Variants in GREB1L observed in about 807,000 individuals in gnomAD.
GREB1L encodes the protein GREB1-like protein.
In GREB1L, 17 loss-of-function variants were observed where a neutral mutation model predicts 200.8. The observed-to-expected ratio is 0.08, with a 90% CI of 0.06 to 0.13. The LOEUF (loss-of-function observed/expected upper bound fraction) is 0.13, where lower values mean the gene tolerates loss of function less well. Ranked by LOEUF, GREB1L falls within the 10% of genes least tolerant of loss-of-function variation. The pLI is 1.00. For missense variants in GREB1L, 1,657 were observed against 2,367.7 expected (o/e 0.70, Z 6.23); for synonymous variants, 789 against 893.0 (o/e 0.88, Z 2.08).
chr18:21,495,934 C>A, intron 20 of GREB1L, 149 bp downstream of exon 20: 1 of 534,934 alleles, frequency 1.9e-6, no homozygotes, highest in Non-Finnish European at 3.3e-6. Flanking sequence ...TACAGCCATA[C>A]AACCTTCTTT....
chr18:21,372,180 G>A (rs1269737668), intron 2 of GREB1L, among the ~76,000 whole-genome samples: 9 of 145,558 alleles, frequency 6.2e-5, no homozygotes, highest in African/African-American at 2.1e-4. Flanking sequence ...ACAGAGTCTC[G>A]CTCTGTTGCC....
Position 21,276,362 on chromosome 18 carries a change from A to G in GREB1L, c.-120+33969A>G, listed in dbSNP as rs369680527. ...CAGGTTGTTGAGTTTTATTGAAGAA[A>G]TTCACACAACCTGGGAAATGGGTGG... On this transcript the variant is annotated intron_variant, in intron 1 of 32. Coordinates refer to ENST00000424526, the MANE Select transcript of GREB1L (RefSeq NM_001142966.3). Among the ~76,000 whole-genome samples, 8 of 152,206 alleles carry G rather than the reference A, an allele frequency of 5.3e-5. 1 individual carries two copies. Among genetic ancestry groups the G allele is most frequent in the Admixed American group, 5.2e-4 (8 of 15,290 alleles).
intron 17 of GREB1L, among the ~76,000 whole-genome samples, chr18:21,483,361 A>G (rs1320080367): frequency 6.6e-6 from 1 of 152,194 alleles, no homozygotes; most frequent in Non-Finnish European, 1.5e-5. Context: ...ATAAGGAGGG[A>G]AACTTAGATG....
chr18:21,310,817 A>T (rs976947704), intron 1 of GREB1L, among the ~76,000 whole-genome samples: 5 of 152,244 alleles, frequency 3.3e-5, no homozygotes, highest in African/African-American at 1.2e-4. Flanking sequence ...TGTTAAAAAA[A>T]TAGAAAAAAA....
At chr18:21,338,614 T>C (rs1208345029) in intron 1 of GREB1L, among the ~76,000 whole-genome samples, 3 of 152,244 alleles carry the variant, frequency 2.0e-5, no homozygotes, top group Admixed American at 6.5e-5. Context: ...CCACCTCACT[T>C]GTCTGTTGAT....
At chr18:21,392,248 T>C (rs2040853398) in intron 4 of GREB1L, among the ~76,000 whole-genome samples, 2 of 152,238 alleles carry the variant, frequency 1.3e-5, no homozygotes, top group African/African-American at 4.8e-5. Context: ...TGCCTGGCTA[T>C]GGCAAGTGCT....
chr18:21,441,614 T>C lies in GREB1L; in HGVS notation c.1207+77T>C, dbSNP rs1024532439. The C allele has an allele frequency of 3.0e-6, 4 of 1,317,848 alleles. No homozygotes were observed. The African/African-American group carries it at 4.5e-5, about 15-fold the overall frequency. 81.6% of individuals were successfully genotyped at this position (1,317,848 alleles called of 1,614,324 possible). On this transcript the variant is annotated intron_variant, in intron 10 of 32. Coordinates refer to ENST00000424526, the MANE Select transcript of GREB1L (RefSeq NM_001142966.3). ...TTTTCCATTTCATTGTGTTTTTTCA[T>C]GTATTCATGAAGATATTCATCCATC...
chr18:21,333,104 G>A (rs546957680), intron 1 of GREB1L, among the ~76,000 whole-genome samples: 96 of 152,064 alleles, frequency 6.3e-4, no homozygotes, highest in African/African-American at 1.9e-3. Context: ...GCGCGCGCGC[G>A]CGCGCACATA....
At chr18:21,330,907 T>G (rs2039097781) in intron 1 of GREB1L, among the ~76,000 whole-genome samples, 2 of 152,312 alleles carry the variant, frequency 1.3e-5, no homozygotes, top group South Asian at 4.1e-4. Context: ...AATCACAACA[T>G]TATATAAGTA....
At chr18:21,396,270 C>A (rs1260093966) in intron 5 of GREB1L, among the ~76,000 whole-genome samples, 2 of 152,066 alleles carry the variant, frequency 1.3e-5, no homozygotes, top group Admixed American at 6.6e-5. Flanking sequence ...GTCTCAAACT[C>A]CTGACCTCAG....
chr18:21,361,465 G>T (rs1160202643), intron 1 of GREB1L, among the ~76,000 whole-genome samples: 1 of 152,122 alleles, frequency 6.6e-6, no homozygotes, highest in Non-Finnish European at 1.5e-5. Context: ...GTGGAGACTT[G>T]GGGGAGGGAT....
chr18:21,519,442 ACAGAGACCC>A (rs1209076385), intron 31 of GREB1L, among the ~76,000 whole-genome samples: 18 of 152,180 alleles, frequency 1.2e-4, no homozygotes, highest in Admixed American at 1.2e-3. Context: ...AGCCTAAGTG[ACAGAGACCC>A]CATCTCAAAA....
intron 1 of GREB1L, among the ~76,000 whole-genome samples, chr18:21,337,453 C>T (rs2039202113): frequency 6.6e-6 from 1 of 152,134 alleles, no homozygotes; most frequent in Admixed American, 6.5e-5. Flanking sequence ...GGAGAGTGGA[C>T]GTGATACTCA....
intron 1 of GREB1L, among the ~76,000 whole-genome samples, chr18:21,301,883 G>T (rs1205205255): frequency 6.6e-6 from 1 of 152,190 alleles, no homozygotes; most frequent in Non-Finnish European, 1.5e-5. Context: ...TTTTTGGCCT[G>T]CGTTTGCATG....
rs2037637061 is a variant in GREB1L, at chr18:21,523,519, T to G, written c.*698T>G. The G allele has an allele frequency of 6.6e-6, 1 of 152,262 alleles. No individual in the cohort carries two copies. The highest frequency in any genetic ancestry group is 1.5e-5 in the Non-Finnish European group (1 of 68,048). The allele number at this position is 152,262 out of a possible 1,614,324, so 9.4% of individuals were successfully genotyped here. A position where few individuals can be genotyped will look rare whatever the true frequency, so the allele number is the denominator to read the frequency against. Reference sequence around the variant, plus strand: ...ATTTATGCATCTTCTCCTAGCCTAATTCCTTTGCTTTACCCACTCTTTAAA... The same window carrying G: ...ATTTATGCATCTTCTCCTAGCCTAAGTCCTTTGCTTTACCCACTCTTTAAA... On this transcript the variant is annotated 3_prime_UTR_variant, in exon 33 of 33. Transcript: ENST00000424526.
At chr18:21,343,825 T>A (rs934701987) in intron 1 of GREB1L, among the ~76,000 whole-genome samples, 45 of 146,184 alleles carry the variant, frequency 3.1e-4, no homozygotes, top group African/African-American at 1.1e-3. Context: ...AACCTCTGCC[T>A]CCAGGATTCA....
intron 1 of GREB1L, among the ~76,000 whole-genome samples, chr18:21,288,010 G>A (rs1167960926): frequency 3.3e-5 from 5 of 151,810 alleles, no homozygotes; most frequent in East Asian, 1.9e-4. Flanking sequence ...TCATCATGTT[G>A]GCCAGGATGG....
intron 29 of GREB1L, 72 bp from the exon 30 acceptor site, chr18:21,516,541 A>G: frequency 1.4e-6 from 2 of 1,398,394 alleles, no homozygotes; most frequent in Non-Finnish European, 9.7e-7. Context: ...CCACACATTT[A>G]TTTCTCTGTG....
chr18:21,416,593 C>T (rs1451798268), intron 7 of GREB1L, among the ~76,000 whole-genome samples: 1 of 151,444 alleles, frequency 6.6e-6, no homozygotes, highest in Non-Finnish European at 1.5e-5. Flanking sequence ...ACTCGGGAGG[C>T]TGAGGCAGGA....
Sources: gnomAD v4.1 joint callset for allele counts (sites outside exome capture counted in the v4.1 genomes callset) on GRCh38, gnomAD v4.1.1 for gene constraint, MANE v1.5 for transcripts, NCBI Gene and HGNC (gene_info 2026-07-23, HGNC 2026-07-21) for gene names.